INTS9: variants seen among roughly 807,000 people sequenced by gnomAD.
INTS9 encodes the protein protein related to CPSF subunits of 74 kDa.
In INTS9, 55 loss-of-function variants were observed where a neutral mutation model predicts 79.7. That is an observed-to-expected ratio of 0.69 (90% CI 0.56 to 0.86). The LOEUF (loss-of-function observed/expected upper bound fraction) is 0.86. Among genes scored for constraint, INTS9 ranks in the 40% least tolerant of loss-of-function variants. The pLI is 0.00. For synonymous variants in INTS9, 319 were observed against 325.2 expected, an observed-to-expected ratio of 0.98 and a Z score of 0.20; for missense variants, 721 against 831.5, an observed-to-expected ratio of 0.87 and a Z score of 1.64.
chr8:28,855,324 T>C (rs1318684446), intron 2 of INTS9, among the ~76,000 whole-genome samples: 1 of 152,228 alleles, frequency 6.6e-6, no homozygotes, highest in Non-Finnish European at 1.5e-5. Flanking sequence ...CTGAGATGAG[T>C]GTGGTGTTTA....
chr8:28,769,813 C>T (rs1802421431), intron 16 of INTS9, 76 bp downstream of exon 16: 3 of 1,564,600 alleles, frequency 1.9e-6, no homozygotes, highest in South Asian at 2.3e-5. Flanking sequence ...CCACTCCCTG[C>T]AGCCAGGGGG....
intron 4 of INTS9, among the ~76,000 whole-genome samples, chr8:28,844,066 G>C (rs78034366): frequency 0.032 from 4,948 of 152,266 alleles, 281 homozygotes; most frequent in African/African-American, 0.11. Flanking sequence ...GCATCACATG[G>C]TGTTTTAAGC....
In INTS9 at chr8:28,874,415, G is replaced by A. The variant is rs892356180; in HGVS notation, c.10-14852C>T. ...TGCCATTCTCCTACCTCAGCCTCCCGAGTAGCTGAGACTACAGGCACCTGC... is the reference window on the plus strand; with the variant it reads ...TGCCATTCTCCTACCTCAGCCTCCCAAGTAGCTGAGACTACAGGCACCTGC... On this transcript the variant is annotated intron_variant, in intron 1 of 16. Transcript: ENST00000521022. Among the ~76,000 whole-genome samples, 6 of 151,204 alleles carry A rather than the reference G, an allele frequency of 4.0e-5. No individual in the cohort carries two copies. In the South Asian group the frequency reaches 6.3e-4, roughly 16 times the overall value.
intron 9 of INTS9, among the ~76,000 whole-genome samples, chr8:28,794,968 A>G (rs1283129954): frequency 6.6e-6 from 1 of 152,234 alleles, no homozygotes; most frequent in Non-Finnish European, 1.5e-5. Flanking sequence ...CCAAGACTCT[A>G]TTTGAGATTA....
chr8:28,768,181 G>A lies in INTS9; in HGVS notation c.1942C>T (p.Arg648Trp), dbSNP rs1207852334. The A allele has an allele frequency of 4.3e-6, 7 of 1,614,044 alleles. No individual in the cohort carries two copies. Among genetic ancestry groups the A allele is most frequent in the Non-Finnish European group, 5.9e-6 (7 of 1,180,046 alleles). The part of the protein sequence containing the change: ...DNDEMLRVRL[R>W]DLVLKFLQKF ...TGTAAGAATTTGAGGACAAGGTCCC[G>A]CAGTCGCACTCTGAGCATCTCGTCA... Residue 648 changes from arginine to tryptophan, a missense_variant, in exon 17 of 17, where the codon CGG (arginine) becomes TGG (tryptophan). Around this residue, in one of 3 missense-constraint regions of INTS9, gnomAD observed 281 missense variants for 300.8 expected, o/e 0.93. Coordinates refer to ENST00000521022, the MANE Select transcript of INTS9 (RefSeq NM_018250.4).
chr8:28,780,730 G>A (rs892753721), intron 12 of INTS9, 93 bp downstream of exon 12: 7 of 1,533,168 alleles, frequency 4.6e-6, no homozygotes, highest in Non-Finnish European at 6.1e-6. Context: ...ATGTCTCACT[G>A]CAAAATCCTT....
intron 8 of INTS9, among the ~76,000 whole-genome samples, chr8:28,810,880 C>T (rs980681353): frequency 6.6e-5 from 10 of 152,076 alleles, no homozygotes; most frequent in African/African-American, 1.9e-4. Flanking sequence ...CCAATAGTTT[C>T]CCTCTCCATA....
chr8:28,770,200 C>T (rs546394001), intron 15 of INTS9, among the ~76,000 whole-genome samples, 174 bp from the exon 16 acceptor site: 6 of 152,394 alleles, frequency 3.9e-5, no homozygotes, highest in South Asian at 2.1e-4. Context: ...CCCAGATCCA[C>T]GCGCTCTAAT....
Position 28,775,870 on chromosome 8 carries a change from G to T in INTS9, c.1452C>A (p.His484Gln). 6.2e-7 allele frequency: 1 copy of T among 1,611,722 alleles called. No homozygotes were observed. Among genetic ancestry groups the T allele is most frequent in the Non-Finnish European group, 8.5e-7 (1 of 1,178,812 alleles). Residue 484 changes from histidine to glutamine, a missense_variant, in exon 14 of 17, where the codon CAC becomes CAA. His to Gln is a conservative substitution (Grantham distance 24, BLOSUM62 0). Transcript: ENST00000521022. ...QYTQPPPAQS[H>Q]RMDLMIDCQP... ...GGCAGTCGATCATGAGGTCCATCCT[G>T]TGGGACTGGGCTGGGGGCGGCTGAG... is the stretch of plus-strand genomic sequence containing the variant.
At chr8:28,846,697 C>G in intron 4 of INTS9, 50 bp downstream of exon 4, 1 of 1,312,666 alleles carries the variant, frequency 7.6e-7, no homozygotes, top group Non-Finnish European at 1.1e-6. Flanking sequence ...TCATTTTGAG[C>G]AATTACATAA....
At chr8:28,832,641 C>G (rs1367848356) in intron 6 of INTS9, among the ~76,000 whole-genome samples, 4 of 152,170 alleles carry the variant, frequency 2.6e-5, no homozygotes, top group Non-Finnish European at 4.4e-5. Context: ...TACTTAATCT[C>G]TCTGTGTCAG....
At chr8:28,856,412 T>C (rs1468224648) in intron 2 of INTS9, among the ~76,000 whole-genome samples, 3 of 152,094 alleles carry the variant, frequency 2.0e-5, no homozygotes, top group Non-Finnish European at 4.4e-5. Flanking sequence ...ATGTTGAATT[T>C]TGTTTTTGTT....
chr8:28,882,910 C>T (rs1022503843), intron 1 of INTS9, among the ~76,000 whole-genome samples: 6 of 152,158 alleles, frequency 3.9e-5, no homozygotes, highest in African/African-American at 1.4e-4. Context: ...GTAAAGTTCC[C>T]ACCACACAGT....
chr8:28,842,380 A>G (rs1807244555), intron 4 of INTS9, among the ~76,000 whole-genome samples: 1 of 152,176 alleles, frequency 6.6e-6, no homozygotes, highest in Non-Finnish European at 1.5e-5. Context: ...ATGTTTCTAT[A>G]TGGTATCAAT....
chr8:28,851,669 C>A (rs937340711), intron 2 of INTS9, among the ~76,000 whole-genome samples: 3 of 151,856 alleles, frequency 2.0e-5, no homozygotes, highest in African/African-American at 7.3e-5. Flanking sequence ...GATCTCCTGA[C>A]CTCATGATCC....
At chr8:28,840,787 T>C (rs1369669223) in intron 4 of INTS9, among the ~76,000 whole-genome samples, 102 of 91,480 alleles carry the variant, frequency 1.1e-3, no homozygotes, top group Non-Finnish European at 1.3e-3. Context: ...CTCTGGGGAC[T>C]GTTGTGGGGT....
chr8:28,777,364 G>C (rs977445492), intron 13 of INTS9, among the ~76,000 whole-genome samples: 1 of 152,124 alleles, frequency 6.6e-6, no homozygotes, highest in Non-Finnish European at 1.5e-5. Flanking sequence ...CTGCACCCCA[G>C]CTACTTCTTC....
At chr8:28,801,714 G>T (rs187949649) in intron 8 of INTS9, among the ~76,000 whole-genome samples, 2 of 152,250 alleles carry the variant, frequency 1.3e-5, no homozygotes, top group East Asian at 3.9e-4. Context: ...TTGGGCTAAA[G>T]TAAGACTCCC....
chr8:28,796,519 C>T (rs775862265), intron 9 of INTS9, 25 bp downstream of exon 9: 13 of 1,257,276 alleles, frequency 1.0e-5, no homozygotes, highest in East Asian at 4.6e-5. Flanking sequence ...GATCATCCAA[C>T]GTAAGATGAG....
Sources: allele counts gnomAD v4.1 joint callset (sites outside exome capture counted in the v4.1 genomes callset), GRCh38; gene constraint gnomAD v4.1.1; regional missense constraint gnomAD v4.1.1; transcripts MANE v1.5; gene names NCBI Gene and HGNC (gene_info 2026-07-23, HGNC 2026-07-21).